Variants in EYA1 observed in about 807,000 individuals in gnomAD.
EYA1 encodes the protein EYA transcriptional coactivator and phosphatase 1, also known as protein phosphatase EYA1.
EYA1 carries 16 observed loss-of-function variants against 82.0 expected under a neutral mutation model. That is an observed-to-expected ratio of 0.20 (90% CI 0.13 to 0.30). The LOEUF is 0.30. Ranked by LOEUF, EYA1 falls within the 10% of genes least tolerant of loss-of-function variation. The pLI is 1.00. For synonymous variants in EYA1, 261 were observed against 264.4 expected, an observed-to-expected ratio of 0.99 and a Z score of 0.12; for missense variants, 633 against 730.7, an observed-to-expected ratio of 0.87 and a Z score of 1.54.
chr8:71,541,403 G>A (rs1322549985), intron 1 of EYA1, among the ~76,000 whole-genome samples: 1 of 152,130 alleles, frequency 6.6e-6, no homozygotes, highest in Non-Finnish European at 1.5e-5. Context: ...AAGTAAATAT[G>A]ATCAAATTTC....
chr8:71,375,849 G>A (rs1295889472), intron 2 of EYA1, among the ~76,000 whole-genome samples: 3 of 152,052 alleles, frequency 2.0e-5, no homozygotes, highest in African/African-American at 4.8e-5. Context: ...GGCTGGTCTC[G>A]AACTCCTGAC....
At position 71,344,186 on chromosome 8, in the gene EYA1, C is replaced by T. The variant is rs1033466233; in HGVS notation, c.125-10012G>A. ...ATGTACAAATCTTAAATGTGCCATT[C>T]GATGACTTTCAACAGATACATATTA... On this transcript the variant is annotated intron_variant, in intron 3 of 17. Transcript: ENST00000340726. 5.9e-5 allele frequency among the ~76,000 whole-genome samples: 9 copies of T among 151,994 alleles called. No individual in the cohort carries two copies. In the South Asian group the frequency reaches 1.2e-3, roughly 21 times the overall value.
At chr8:71,514,720 CT>C (rs1444661080) in intron 2 of EYA1, among the ~76,000 whole-genome samples, 1 of 152,100 alleles carries the variant, frequency 6.6e-6, no homozygotes, top group African/African-American at 2.4e-5. Context: ...TTACCTCCCC[CT>C]GGGTCCCTCC....
intron 4 of EYA1, among the ~76,000 whole-genome samples, chr8:71,323,205 A>G (rs980301736): frequency 6.6e-6 from 1 of 152,176 alleles, no homozygotes; most frequent in Non-Finnish European, 1.5e-5. Flanking sequence ...ATTTACGTTT[A>G]TGGGTATACA....
intron 12 of EYA1, among the ~76,000 whole-genome samples, chr8:71,219,593 T>TA (rs1809632803): frequency 6.6e-6 from 1 of 152,210 alleles, no homozygotes; most frequent in South Asian, 2.1e-4. Context: ...AATAATGACA[T>TA]AAAATGCCTT....
chr8:71,361,684 T>C lies in EYA1; in HGVS notation c.-92A>G, dbSNP rs1333943643. On this transcript the variant is annotated 5_prime_UTR_variant, in exon 1 of 18. Coordinates refer to ENST00000340726, the MANE Select transcript of EYA1 (RefSeq NM_000503.6). ...TGCTGCATCCACCAGTTTAATGTGT[T>C]CCTTCGAATTTTCTGGGTTAGCAAA... 1 of 985,418 alleles carries C rather than the reference T, an allele frequency of 1.0e-6. No individual in the cohort carries two copies. The highest frequency in any genetic ancestry group is 1.2e-6 in the Non-Finnish European group (1 of 829,986). 61.0% of individuals were successfully genotyped at this position (985,418 alleles called of 1,614,324 possible). A position where few individuals can be genotyped will look rare whatever the true frequency, so the allele number is the denominator to read the frequency against.
At chr8:71,199,834 T>TCTAA (rs1806727954) in intron 17 of EYA1, 1 of 199,350 alleles carries the variant, frequency 5.0e-6, no homozygotes, top group African/African-American at 2.3e-5. Context: ...TTACATTTTT[T>TCTAA]CTAACTTTTA....
intron 2 of EYA1, among the ~76,000 whole-genome samples, chr8:71,463,185 G>A (rs1407039406): frequency 6.6e-6 from 1 of 152,208 alleles, no homozygotes; most frequent in Non-Finnish European, 1.5e-5. Flanking sequence ...ATAGCCACAT[G>A]TGGCTAGTGG....
chr8:71,257,177 A>G (rs1363540383), intron 11 of EYA1, among the ~76,000 whole-genome samples: 1 of 152,152 alleles, frequency 6.6e-6, no homozygotes, highest in Non-Finnish European at 1.5e-5. Context: ...CAAATTAAAT[A>G]ATGTGATATC....
chr8:71,222,357 C>T (rs1810030960), intron 12 of EYA1, among the ~76,000 whole-genome samples: 1 of 152,188 alleles, frequency 6.6e-6, no homozygotes, highest in African/African-American at 2.4e-5. Flanking sequence ...TGCGATTATC[C>T]TCCACTAGAA....
At chr8:71,488,267 G>A (rs1810718636) in intron 2 of EYA1, among the ~76,000 whole-genome samples, 1 of 151,076 alleles carries the variant, frequency 6.6e-6, no homozygotes, top group Admixed American at 6.6e-5. Context: ...TGATATAAAG[G>A]ATAAAAAATA....
chr8:71,282,574 C>T (rs1817930250), intron 9 of EYA1, among the ~76,000 whole-genome samples: 1 of 152,216 alleles, frequency 6.6e-6, no homozygotes, highest in Non-Finnish European at 1.5e-5. Context: ...TTCTGCAACA[C>T]TTGTGTTCCT....
Position 71,412,404 on chromosome 8 carries a change from TAA to T in EYA1, c.34-55895_34-55894del, listed in dbSNP as rs1232678513. On this transcript the variant is annotated intron_variant, in intron 2 of 18. Coordinates refer to the EYA1 transcript ENST00000643681. ...TAAAAAAATATAAAATAAAATAAAA[TAA>T]AAAATAAAATAAAATAAAATAAAAA... Among the ~76,000 whole-genome samples, 28 of 107,202 alleles carry T rather than the reference TAA, an allele frequency of 2.6e-4. No individual in the cohort carries two copies. The East Asian group carries it at 3.3e-3, about 13-fold the overall frequency. The allele number at this position is 107,202 out of a possible 152,430, so 70.3% of individuals were successfully genotyped here. A position where few individuals can be genotyped will look rare whatever the true frequency, so the allele number is the denominator to read the frequency against.
At chr8:71,388,452 C>A (rs533012476) in intron 2 of EYA1, among the ~76,000 whole-genome samples, 1 of 152,118 alleles carries the variant, frequency 6.6e-6, no homozygotes, top group Non-Finnish European at 1.5e-5. Context: ...CAGAGTTTTT[C>A]GGTTGTCTGT....
chr8:71,205,182 T>C (rs1807602445), intron 17 of EYA1, among the ~76,000 whole-genome samples: 3 of 152,204 alleles, frequency 2.0e-5, no homozygotes, highest in Non-Finnish European at 4.4e-5. Flanking sequence ...CCTTTCTCAC[T>C]GTGCAGAAAA....
At chr8:71,329,593 T>C (rs1360671726) in intron 4 of EYA1, among the ~76,000 whole-genome samples, 1 of 152,202 alleles carries the variant, frequency 6.6e-6, no homozygotes, top group African/African-American at 2.4e-5. Flanking sequence ...CACATGCCTA[T>C]CACTACTCTT....
chr8:71,271,196 A>G (rs1816489950), intron 10 of EYA1, among the ~76,000 whole-genome samples: 1 of 152,188 alleles, frequency 6.6e-6, no homozygotes, highest in African/African-American at 2.4e-5. Context: ...GGTACATGAG[A>G]TGTTTTGATA....
chr8:71,349,311 AATGGCAT>A (rs1206519054), intron 3 of EYA1, among the ~76,000 whole-genome samples: 1 of 151,854 alleles, frequency 6.6e-6, no homozygotes, highest in Non-Finnish European at 1.5e-5. Context: ...TTTGCTAGGG[AATGGCAT>A]CATTCAGCCA....
At chr8:71,523,174 T>C (rs1418492069) in intron 2 of EYA1, among the ~76,000 whole-genome samples, 2 of 89,828 alleles carry the variant, frequency 2.2e-5, no homozygotes, top group Non-Finnish European at 3.9e-5. Context: ...TTCTTTTTTC[T>C]TTTTCTTTTT....
Sources: allele counts gnomAD v4.1 joint callset (sites outside exome capture counted in the v4.1 genomes callset), GRCh38; gene constraint gnomAD v4.1.1; transcripts MANE v1.5; gene names NCBI Gene and HGNC (gene_info 2026-07-23, HGNC 2026-07-21).